The following PXDNL variants were observed in gnomAD, a reference collection of about 807,000 sequenced individuals.
PXDNL encodes probable oxidoreductase PXDNL.
Under a neutral mutation model 150.8 loss-of-function variants are expected in PXDNL, and 145 were observed. That is an observed-to-expected ratio of 0.96 (90% CI 0.84 to 1.10). The LOEUF (loss-of-function observed/expected upper bound fraction) is 1.10. Ranked by LOEUF, PXDNL falls within the 50% of genes least tolerant of loss-of-function variation. PXDNL has a pLI of 0.00. For missense variants in PXDNL, 2,087 were observed against 1,873.9 expected (o/e 1.11, Z -2.10); for synonymous variants, 757 against 725.7 (o/e 1.04, Z -0.69).
intron 3 of PXDNL, among the ~76,000 whole-genome samples, chr8:51,590,132 C>A (rs978246194): frequency 6.6e-6 from 1 of 152,114 alleles, no homozygotes; most frequent in African/African-American, 2.4e-5. Flanking sequence ...ACTCAGCCAA[C>A]CCCACCTATA....
Position 51,377,135 on chromosome 8 carries a change from CACACACACAA to C in PXDNL, c.3558-2414_3558-2405del, listed in dbSNP as rs1256686199. On this transcript the variant is annotated intron_variant, in intron 17 of 22. Coordinates refer to ENST00000356297, the MANE Select transcript of PXDNL (RefSeq NM_144651.5). Reference sequence around the variant, plus strand: ...ACACACACACACACACACACACACACACACACACAAAGCCAAAGCCATTTCTGGACACTCT... The same window carrying C: ...ACACACACACACACACACACACACACAGCCAAAGCCATTTCTGGACACTCT... 3.0e-4 allele frequency among the ~76,000 whole-genome samples: 45 copies of C among 150,464 alleles called. 1 individual carries two copies. The highest frequency in any genetic ancestry group is 2.3e-3 in the Admixed American group (35 of 15,226).
chr8:51,708,418 T>C (rs1816426722), intron 1 of PXDNL, among the ~76,000 whole-genome samples: 1 of 152,188 alleles, frequency 6.6e-6, no homozygotes, highest in South Asian at 2.1e-4. Flanking sequence ...ACAATGGAGC[T>C]AAGAAAGCAG....
chr8:51,803,755 C>T (rs2037646672), intron 1 of PXDNL, among the ~76,000 whole-genome samples: 1 of 152,178 alleles, frequency 6.6e-6, no homozygotes, highest in African/African-American at 2.4e-5. Flanking sequence ...TGGAGCATTC[C>T]AGAATTCTAG....
At chr8:51,479,109 T>C (rs1456079828) in intron 6 of PXDNL, among the ~76,000 whole-genome samples, 1 of 152,138 alleles carries the variant, frequency 6.6e-6, no homozygotes, top group Non-Finnish European at 1.5e-5. Context: ...AGCAATTGAG[T>C]GAATGCTGTT....
chr8:51,638,558 C>A (rs897913846), intron 2 of PXDNL, among the ~76,000 whole-genome samples: 31 of 152,064 alleles, frequency 2.0e-4, no homozygotes, highest in African/African-American at 5.8e-4. Flanking sequence ...ATCCTAGTCT[C>A]TGATAAAACA....
At chr8:51,533,140 A>T (rs924886199) in intron 4 of PXDNL, among the ~76,000 whole-genome samples, 6 of 152,068 alleles carry the variant, frequency 3.9e-5, no homozygotes, top group African/African-American at 1.4e-4. Context: ...CTGTTTATTT[A>T]TTTATATTTA....
chr8:51,511,840 A>C (rs1015643738), intron 4 of PXDNL, among the ~76,000 whole-genome samples: 1 of 152,194 alleles, frequency 6.6e-6, no homozygotes, highest in Non-Finnish European at 1.5e-5. Flanking sequence ...AAATGTGAGA[A>C]AAACACAAGA....
At chr8:51,386,558 G>A (rs1424198488) in intron 17 of PXDNL, among the ~76,000 whole-genome samples, 1 of 152,140 alleles carries the variant, frequency 6.6e-6, no homozygotes, top group Non-Finnish European at 1.5e-5. Context: ...AGATGATATA[G>A]ATAGATAAGA....
intron 14 of PXDNL, among the ~76,000 whole-genome samples, chr8:51,414,031 A>C (rs1466185678): frequency 6.6e-6 from 1 of 152,162 alleles, no homozygotes; most frequent in African/African-American, 2.4e-5. Flanking sequence ...TATTGAAAGC[A>C]AAAGTCAATA....
chr8:51,474,745 A>G lies in PXDNL; in HGVS notation c.694+227T>C, dbSNP rs181536486. Among the ~76,000 whole-genome samples the G allele has an allele frequency of 5.4e-4, 82 of 152,356 alleles. 2 individuals are homozygous for G. The East Asian group carries it at 9.7e-3, about 18-fold the overall frequency. ...CCTCTGAAATTACGGAAATTAGATT[A>G]AATCTTCCTCAAAGACTCTCTCAGC... is the stretch of plus-strand genomic sequence containing the variant. On this transcript the variant is annotated intron_variant, in intron 7 of 22. Coordinates refer to ENST00000356297, the MANE Select transcript of PXDNL (RefSeq NM_144651.5).
intron 1 of PXDNL, among the ~76,000 whole-genome samples, chr8:51,737,054 T>C (rs758835711): frequency 6.6e-6 from 1 of 152,224 alleles, no homozygotes; most frequent in African/African-American, 2.4e-5. Context: ...CCCTGGATTG[T>C]TTTTTCATTC....
At chr8:51,505,895 C>T (rs965567697) in intron 4 of PXDNL, among the ~76,000 whole-genome samples, 9 of 152,190 alleles carry the variant, frequency 5.9e-5, no homozygotes, top group Non-Finnish European at 1.0e-4. Context: ...AAAATAGGCA[C>T]GCTTTAGCTT....
intron 4 of PXDNL, among the ~76,000 whole-genome samples, chr8:51,536,652 TC>T (rs1812085554): frequency 1.3e-5 from 2 of 152,058 alleles, no homozygotes; most frequent in African/African-American, 4.8e-5. Flanking sequence ...ATGCATTTAT[TC>T]TTTAAGCTTT....
chr8:51,718,663 T>C (rs1816664196), intron 1 of PXDNL, among the ~76,000 whole-genome samples: 1 of 152,188 alleles, frequency 6.6e-6, no homozygotes, highest in African/African-American at 2.4e-5. Flanking sequence ...CTGTGACATC[T>C]CATTCCCTGT....
At chr8:51,411,228 A>G in intron 16 of PXDNL, 22 bp downstream of exon 16, 1 of 1,417,676 alleles carries the variant, frequency 7.1e-7, no homozygotes, top group Non-Finnish European at 9.2e-7. Flanking sequence ...TAGGCTGAGA[A>G]TAAAATGGCT....
chr8:51,706,565 A>T (rs1389257965), intron 1 of PXDNL, among the ~76,000 whole-genome samples: 1 of 152,196 alleles, frequency 6.6e-6, no homozygotes, highest in Non-Finnish European at 1.5e-5. Context: ...ATTAACTACC[A>T]TAATAATTTG....
At chr8:51,604,441 T>C (rs911413033) in intron 2 of PXDNL, among the ~76,000 whole-genome samples, 4 of 151,992 alleles carry the variant, frequency 2.6e-5, no homozygotes, top group African/African-American at 4.8e-5. Context: ...TAGGTGGGAA[T>C]TGAACAATGA....
Position 51,455,345 on chromosome 8 carries a change from T to A in PXDNL, c.983-1560A>T, listed in dbSNP as rs181705177. On this transcript the variant is annotated intron_variant, in intron 9 of 22. Transcript: ENST00000356297. ...ACCAATAGAGATAGCAAACACAGGA[T>A]GCTGTGGGTTTGTGTGGGCAAATGT... Among the ~76,000 whole-genome samples the A allele has an allele frequency of 6.1e-3, 926 of 152,016 alleles. 5 individuals are homozygous for A. The highest frequency in any genetic ancestry group is 9.2e-3 in the Non-Finnish European group (623 of 67,958).
intron 2 of PXDNL, among the ~76,000 whole-genome samples, chr8:51,611,467 T>C (rs1039793972): frequency 2.6e-5 from 4 of 152,224 alleles, no homozygotes; most frequent in South Asian, 4.1e-4. Context: ...AATATAGTGA[T>C]TAAACACTTT....
Sources: allele counts gnomAD v4.1 joint callset (sites outside exome capture counted in the v4.1 genomes callset), GRCh38; gene constraint gnomAD v4.1.1; transcripts MANE v1.5; gene names NCBI Gene and HGNC (gene_info 2026-07-23, HGNC 2026-07-21).